Variants in CNTNAP3B observed in about 807,000 individuals in gnomAD.
The protein encoded by CNTNAP3B is contactin-associated protein-like 3B.
A neutral mutation model predicts 108.9 loss-of-function variants in CNTNAP3B; 25 were observed. That is an observed-to-expected ratio of 0.23 (90% CI 0.17 to 0.32). The LOEUF is 0.32. CNTNAP3B is among the 10% of genes least tolerant of loss of function. CNTNAP3B has a pLI of 1.00. For missense variants in CNTNAP3B, 252 were observed against 1,210.4 expected, an observed-to-expected ratio of 0.21 and a Z score of 11.75; for synonymous variants, 103 against 473.4, an observed-to-expected ratio of 0.22 and a Z score of 10.16.
chr9:41,948,694 A>C (rs1443361533), intron 13 of CNTNAP3B, among the ~76,000 whole-genome samples: 1 of 150,570 alleles, frequency 6.6e-6, no homozygotes, highest in Non-Finnish European at 1.5e-5. Context: ...TCAACATATC[A>C]ACAGACAAAA....
chr9:41,927,501 G>T (rs1190062670), intron 15 of CNTNAP3B, among the ~76,000 whole-genome samples: 1 of 151,662 alleles, frequency 6.6e-6, no homozygotes, highest in African/African-American at 2.4e-5. Context: ...GAGTATAAAA[G>T]CCAGACTGAA....
chr9:41,916,474 C>G (rs1233823883), intron 18 of CNTNAP3B, among the ~76,000 whole-genome samples: 1 of 152,196 alleles, frequency 6.6e-6, no homozygotes, highest in East Asian at 1.9e-4. Context: ...ATCCCTTCAA[C>G]CTGAAGGAAC....
rs187994147 is a variant in CNTNAP3B, at chr9:42,111,831, G to A, written c.86-7092C>T. Among the ~76,000 whole-genome samples, 900 of 137,892 alleles carry A rather than the reference G, an allele frequency of 6.5e-3. 199 individuals carry two copies. Among genetic ancestry groups the A allele is most frequent in the African/African-American group, 0.025 (853 of 34,496 alleles). The allele number at this position is 137,892 out of a possible 152,430, so 90.5% of individuals were successfully genotyped here. A position where few individuals can be genotyped will look rare whatever the true frequency, so the allele number is the denominator to read the frequency against. The stretch of plus-strand genomic sequence containing the variant: ...TCTCACTGTAGGTCCTCATGTTAAC[G>A]ACCTAACTAATCCTTACAGCCAATG... On this transcript the variant is annotated intron_variant, in intron 1 of 23. Coordinates refer to ENST00000377561, the MANE Select transcript of CNTNAP3B (RefSeq NM_001201380.3).
chr9:42,024,906 C>T (rs1275057401), intron 3 of CNTNAP3B, among the ~76,000 whole-genome samples: 7 of 143,586 alleles, frequency 4.9e-5, no homozygotes, highest in African/African-American at 7.9e-5. Context: ...CTTCAGCATC[C>T]CCTTTCTGAA....
intron 13 of CNTNAP3B, among the ~76,000 whole-genome samples, chr9:41,939,845 G>T (rs1824280193): frequency 1.3e-5 from 2 of 152,270 alleles, no homozygotes; most frequent in Admixed American, 1.3e-4. Flanking sequence ...TTGTAGACTT[G>T]TCTATCCCTG....
chr9:41,914,182 TTTTATTTA>T (rs1192435938), intron 18 of CNTNAP3B, among the ~76,000 whole-genome samples: 440 of 72,138 alleles, frequency 6.1e-3, no homozygotes, highest in Non-Finnish European at 8.7e-3. Context: ...TATTTTCTGT[TTTTATTTA>T]TTTATTTATT....
At chr9:41,941,499 A>G (rs1336482965) in intron 13 of CNTNAP3B, among the ~76,000 whole-genome samples, 2 of 151,208 alleles carry the variant, frequency 1.3e-5, no homozygotes, top group South Asian at 4.2e-4. Flanking sequence ...TGCATATGCA[A>G]GAAACAATAC....
chr9:41,924,535 T>C (rs1310753151), intron 15 of CNTNAP3B, among the ~76,000 whole-genome samples: 1 of 152,260 alleles, frequency 6.6e-6, no homozygotes, highest in Non-Finnish European at 1.5e-5. Flanking sequence ...CAGCTCAGTT[T>C]GGGACATGTT....
intron 2 of CNTNAP3B, among the ~76,000 whole-genome samples, chr9:42,098,582 CAAA>C (rs372891017): frequency 3.1e-5 from 1 of 32,440 alleles, no homozygotes. Context: ...GACTCTGTCT[CAAA>C]AAAAAAAAAA....
chr9:41,919,077 A>G (rs1823594787), intron 18 of CNTNAP3B, among the ~76,000 whole-genome samples: 1 of 152,286 alleles, frequency 6.6e-6, no homozygotes, highest in South Asian at 2.1e-4. Flanking sequence ...AAGTATTATA[A>G]ATATATTAAA....
intron 14 of CNTNAP3B, among the ~76,000 whole-genome samples, chr9:41,934,910 T>C (rs1314393218): frequency 2.0e-5 from 3 of 152,296 alleles, no homozygotes; most frequent in Non-Finnish European, 4.4e-5. Flanking sequence ...TTTTAAAGAC[T>C]CTAAGATAAT....
In CNTNAP3B at chr9:41,993,541, C is replaced by T. The variant is rs1457790139; in HGVS notation, c.1072-1670G>A. ...GCTGTAACGAACTAAATACCAAAAG[C>T]TTACAACTAATTGGCGCTGATCCGT... On this transcript the variant is annotated intron_variant, in intron 7 of 23. Transcript: ENST00000377561. The T allele has an allele frequency of 1.8e-5, 2 of 108,550 alleles. 1 individual carries two copies. The highest frequency in any genetic ancestry group is 3.9e-5 in the Non-Finnish European group (2 of 51,854). 6.7% of individuals were successfully genotyped at this position (108,550 alleles called of 1,614,324 possible).
At position 42,079,711 on chromosome 9, in the gene CNTNAP3B, G is replaced by A. The variant is rs1447568330; in HGVS notation, c.197-2649C>T. On this transcript the variant is annotated intron_variant, in intron 2 of 23. Coordinates refer to ENST00000377561, the MANE Select transcript of CNTNAP3B (RefSeq NM_001201380.3). ...TAATTTTTGTATTTTTAGTAGAGAC[G>A]GGGTTTCACCACGTTGGCCAGGATG... 8.0e-5 allele frequency among the ~76,000 whole-genome samples: 11 copies of A among 137,204 alleles called. 3 individuals carry two copies. Among genetic ancestry groups the A allele is most frequent in the Non-Finnish European group, 1.4e-4 (9 of 64,394 alleles). 90.0% of individuals were successfully genotyped at this position (137,204 alleles called of 152,430 possible).
intron 15 of CNTNAP3B, among the ~76,000 whole-genome samples, chr9:41,926,273 T>G (rs1452582956): frequency 0.048 from 7,041 of 147,320 alleles, 28 homozygotes; most frequent in East Asian, 0.12. Flanking sequence ...TCTAACCCAG[T>G]GGTCATTCCT....
chr9:42,116,051 G>A (rs1353613504), intron 1 of CNTNAP3B, among the ~76,000 whole-genome samples: 1 of 139,750 alleles, frequency 7.2e-6, no homozygotes, highest in Admixed American at 7.1e-5. Context: ...GAAAACCATG[G>A]CACTAGAACT....
chr9:42,029,294 A>C lies in CNTNAP3B; in HGVS notation c.391-15769T>G, dbSNP rs566008541. Reference sequence around the variant, plus strand: ...AAAAAGTTCCCATTTTTAATATGTCAGTTTGTGTTTTATTATACTGCGATA... The same window carrying C: ...AAAAAGTTCCCATTTTTAATATGTCCGTTTGTGTTTTATTATACTGCGATA... On this transcript the variant is annotated intron_variant, in intron 3 of 23. Coordinates refer to ENST00000377561, the MANE Select transcript of CNTNAP3B (RefSeq NM_001201380.3). 3.2e-4 allele frequency among the ~76,000 whole-genome samples: 40 copies of C among 125,504 alleles called. 2 individuals are homozygous for C. In the East Asian group the frequency reaches 8.0e-3, roughly 25 times the overall value. The allele number at this position is 125,504 out of a possible 152,430, so 82.3% of individuals were successfully genotyped here.
At chr9:42,097,010 C>T (rs1318646524) in intron 2 of CNTNAP3B, among the ~76,000 whole-genome samples, 2 of 136,286 alleles carry the variant, frequency 1.5e-5, no homozygotes, top group Admixed American at 1.5e-4. Context: ...CCTCAGCCTC[C>T]CAAAGTGCTG....
chr9:41,931,791 G>T (rs551070467), intron 14 of CNTNAP3B, among the ~76,000 whole-genome samples: 18 of 144,738 alleles, frequency 1.2e-4, no homozygotes, highest in Non-Finnish European at 2.1e-4. Flanking sequence ...TTCCAATTCT[G>T]TGATCATCAT....
intron 3 of CNTNAP3B, among the ~76,000 whole-genome samples, chr9:42,020,623 AGAATAAAT>A: frequency 6.7e-6 from 1 of 149,036 alleles, no homozygotes; most frequent in South Asian, 2.1e-4. Context: ...TTCTTCAAGG[AGAATAAAT>A]GTCTGCTGTG....
Sources: allele counts gnomAD v4.1 joint callset (sites outside exome capture counted in the v4.1 genomes callset), GRCh38; gene constraint gnomAD v4.1.1; transcripts MANE v1.5; gene names NCBI Gene and HGNC (gene_info 2026-07-23, HGNC 2026-07-21).